Variants in COL19A1 observed in about 807,000 individuals in gnomAD.
The protein encoded by COL19A1 is collagen type XIX alpha 1 chain.
In COL19A1, 159 loss-of-function variants were observed where a neutral mutation model predicts 190.2. The observed-to-expected ratio is 0.84, with a 90% CI of 0.73 to 0.95. The LOEUF (loss-of-function observed/expected upper bound fraction) is 0.95. Ranked by LOEUF, COL19A1 falls within the 40% of genes least tolerant of loss-of-function variation. The pLI is 0.00. For missense variants in COL19A1, 1,418 were observed against 1,431.9 expected (o/e 0.99, Z 0.16); for synonymous variants, 509 against 458.9 (o/e 1.11, Z -1.39).
In COL19A1 at chr6:69,960,493, C is replaced by A. The variant is rs183977264; in HGVS notation, c.981+453C>A. Among the ~76,000 whole-genome samples the A allele has an allele frequency of 2.8e-3, 428 of 152,200 alleles. 11 individuals are homozygous for A. Among genetic ancestry groups the A allele is most frequent in the Admixed American group, 0.026 (396 of 15,290 alleles). ...ATTACAAAGATGCTGTAGACAACTA[C>A]CTCTTCAAAAATATTTTTCTTTCAG... On this transcript the variant is annotated intron_variant, in intron 10 of 50. Transcript: ENST00000620364.
chr6:69,916,644 T>C (rs1449251637), intron 4 of COL19A1, among the ~76,000 whole-genome samples: 1 of 152,344 alleles, frequency 6.6e-6, no homozygotes, highest in East Asian at 1.9e-4. Context: ...GAGCCCAAAA[T>C]ATGATTCATT....
chr6:70,122,083 C>A (rs375726086), intron 17 of COL19A1, 141 bp downstream of exon 17: 11 of 531,534 alleles, frequency 2.1e-5, no homozygotes, highest in African/African-American at 1.2e-4. Flanking sequence ...ATACTGAAAG[C>A]TATGTTTTCA....
At chr6:70,070,693 C>T (rs116925309) in intron 15 of COL19A1, among the ~76,000 whole-genome samples, 2 of 152,066 alleles carry the variant, frequency 1.3e-5, no homozygotes, top group Middle Eastern at 3.2e-3. Flanking sequence ...AACTGAGTGC[C>T]ACCATTTCTT....
chr6:69,966,215 C>T (rs968368729), intron 11 of COL19A1, among the ~76,000 whole-genome samples: 7 of 152,038 alleles, frequency 4.6e-5, no homozygotes, highest in Non-Finnish European at 1.0e-4. Flanking sequence ...TGCCCGGCCG[C>T]CCCGTCTGGG....
chr6:70,148,694 A>C (rs1786832574), intron 27 of COL19A1, among the ~76,000 whole-genome samples: 1 of 152,174 alleles, frequency 6.6e-6, no homozygotes, highest in Non-Finnish European at 1.5e-5. Context: ...TGGGAGGCCA[A>C]GGCAGGTGGA....
intron 15 of COL19A1, among the ~76,000 whole-genome samples, chr6:70,090,226 G>A (rs771439415): frequency 2.6e-5 from 4 of 151,916 alleles, no homozygotes; most frequent in Non-Finnish European, 4.4e-5. Flanking sequence ...AATGTTATAC[G>A]GTCAGCTGTT....
chr6:70,066,930 C>A (rs1278795330), intron 14 of COL19A1, among the ~76,000 whole-genome samples: 1 of 151,964 alleles, frequency 6.6e-6, no homozygotes, highest in Non-Finnish European at 1.5e-5. Context: ...AAATTACTGC[C>A]TTTATCCAAA....
At chr6:70,001,559 T>C (rs1046259340) in intron 11 of COL19A1, among the ~76,000 whole-genome samples, 42 of 152,202 alleles carry the variant, frequency 2.8e-4, no homozygotes. Context: ...CAGTGGTTTG[T>C]AGTTCTCCTT....
rs563165329 is a variant in COL19A1 at position 69,937,992 on chromosome 6, CAATGTGACAG to C, written c.874-40_874-31del. On this transcript the variant is annotated intron_variant, in intron 8 of 50. Transcript: ENST00000620364. ...ATTTATAAACCATTTGGCTTTAGAT[CAATGTGACAG>C]AATGTTTGCTAACACAGATATGCAT... 1.1e-4 allele frequency: 173 copies of C among 1,580,976 alleles called. 1 individual carries two copies. In the East Asian group the frequency reaches 3.8e-3, roughly 35 times the overall value.
chr6:70,114,070 C>T lies in COL19A1; in HGVS notation c.1279-7810C>T, dbSNP rs182364247. ...TTCACCATGTTGCCCAAGCTGGTCT[C>T]GAACTCCTGAGCTCAAGCAATCTGC... On this transcript the variant is annotated intron_variant, in intron 16 of 50. Transcript: ENST00000620364. 3.5e-4 allele frequency among the ~76,000 whole-genome samples: 53 copies of T among 152,018 alleles called. 1 individual carries two copies. The highest frequency in any genetic ancestry group is 1.1e-3 in the African/African-American group (45 of 41,450).
rs570971485 is a variant in COL19A1, at chr6:69,888,325, A to T, written c.91+8667A>T. Among the ~76,000 whole-genome samples the T allele has an allele frequency of 2.6e-5, 4 of 152,316 alleles. No individual in the cohort carries two copies. The East Asian group carries it at 7.7e-4, about 29-fold the overall frequency. On this transcript the variant is annotated intron_variant, in intron 2 of 50. Transcript: ENST00000620364. ...CCAAACACCCAACTAGCAAAAAAAA[A>T]CTTTACTCTTTTGCCAGCATGTTGG...
At chr6:70,057,990 T>A (rs1295782125) in intron 14 of COL19A1, among the ~76,000 whole-genome samples, 1 of 152,034 alleles carries the variant, frequency 6.6e-6, no homozygotes, top group Admixed American at 6.6e-5. Context: ...GAAAGTCTCA[T>A]AATAGGAGCA....
At chr6:70,077,068 G>A (rs1781926342) in intron 15 of COL19A1, among the ~76,000 whole-genome samples, 1 of 152,106 alleles carries the variant, frequency 6.6e-6, no homozygotes, top group South Asian at 2.1e-4. Context: ...AACATTCGGA[G>A]CATGAAACAT....
intron 2 of COL19A1, 124 bp from the exon 3 acceptor site, chr6:69,898,824 C>G: frequency 3.1e-6 from 2 of 645,676 alleles, no homozygotes; most frequent in Non-Finnish European, 5.3e-6. Context: ...TTCTTATCCT[C>G]ATTTTACAGA....
At position 70,102,175 on chromosome 6, in the gene COL19A1, C is replaced by T. The variant is rs1783672431; in HGVS notation, c.1231C>T (p.Arg411Ter). 6 of 1,612,218 alleles carry T rather than the reference C, an allele frequency of 3.7e-6. No homozygotes were observed. The highest frequency in any genetic ancestry group is 1.3e-5 in the African/African-American group (1 of 74,846). Reference protein sequence around the residue: ...PPGKEGQRGRRGKTGPPGKPG... With the variant: ...PPGKEGQRGR ...ATTCTTCTTTGGTTTCAAGGGAAGA[C>T]GAGGGAAAACAGGACCTCCCGGAAA... The change falls in exon 16 of 51, where the codon CGA becomes TGA. Residue 411 changes from arginine to a stop codon, truncating the protein, a stop_gained. Coordinates refer to ENST00000620364, the MANE Select transcript of COL19A1 (RefSeq NM_001858.6). LOFTEE classifies it high-confidence loss of function.
chr6:69,946,646 T>G (rs747283064), intron 9 of COL19A1, among the ~76,000 whole-genome samples: 2 of 151,906 alleles, frequency 1.3e-5, no homozygotes, highest in Non-Finnish European at 2.9e-5. Flanking sequence ...TAGATTCACT[T>G]TGACAACATT....
chr6:69,878,696 C>T (rs1309529243), intron 1 of COL19A1, among the ~76,000 whole-genome samples: 1 of 152,012 alleles, frequency 6.6e-6, no homozygotes, highest in Non-Finnish European at 1.5e-5. Flanking sequence ...AATTTTACTT[C>T]TGATTCTATA....
rs957808006 is a variant in COL19A1 at position 70,209,463 on chromosome 6, T to C, written c.*2189T>C. ...TCTTGTCATAGACATAAAAAGACAA[T>C]TCATTTTCTTGTTTTATTAACTCTG... On this transcript the variant is annotated 3_prime_UTR_variant, in exon 51 of 51. Coordinates refer to ENST00000620364, the MANE Select transcript of COL19A1 (RefSeq NM_001858.6). The C allele has an allele frequency of 2.0e-5, 3 of 152,194 alleles. No individual in the cohort carries two copies. Among genetic ancestry groups the C allele is most frequent in the Admixed American group, 1.3e-4 (2 of 15,278 alleles). 9.4% of individuals were successfully genotyped at this position (152,194 alleles called of 1,614,324 possible).
At chr6:70,126,505 C>T (rs1264985457) in intron 17 of COL19A1, among the ~76,000 whole-genome samples, 1 of 152,198 alleles carries the variant, frequency 6.6e-6, no homozygotes, top group Non-Finnish European at 1.5e-5. Context: ...TTACAGACAG[C>T]CCCCCAACTC....
Sources: allele counts gnomAD v4.1 joint callset (sites outside exome capture counted in the v4.1 genomes callset), GRCh38; gene constraint gnomAD v4.1.1; transcripts MANE v1.5; gene names NCBI Gene and HGNC (gene_info 2026-07-23, HGNC 2026-07-21).